CCDC148: variants seen among roughly 807,000 people sequenced by gnomAD.
The protein encoded by CCDC148 is coiled-coil domain containing 148.
CCDC148 carries 89 observed loss-of-function variants against 85.7 expected under a neutral mutation model. The ratio of observed to expected loss-of-function variants is 1.04; its 90% confidence interval spans 0.87 to 1.24. The LOEUF (loss-of-function observed/expected upper bound fraction) is 1.24, where lower values mean the gene tolerates loss of function less well. Among genes scored for constraint, CCDC148 ranks in the 50% most tolerant of loss-of-function variants. The pLI, the probability that CCDC148 is intolerant of heterozygous loss-of-function variation, is 0.00. For synonymous variants in CCDC148, 230 were observed against 213.9 expected (o/e 1.08, Z -0.66); for missense variants, 692 against 671.7 (o/e 1.03, Z -0.33).
At chr2:158,228,884 C>T (rs1687703839) in intron 10 of CCDC148, among the ~76,000 whole-genome samples, 2 of 148,800 alleles carry the variant, frequency 1.3e-5, no homozygotes, top group Admixed American at 6.7e-5. Context: ...GGGTGCAGCA[C>T]ACCAACATGG....
intron 9 of CCDC148, among the ~76,000 whole-genome samples, chr2:158,293,191 G>A (rs908773207): frequency 6.6e-6 from 1 of 152,108 alleles, no homozygotes; most frequent in African/African-American, 2.4e-5. Context: ...AATGTAATAT[G>A]GGAGATGAGC....
At chr2:158,272,380 G>A (rs1490427398) in intron 9 of CCDC148, among the ~76,000 whole-genome samples, 2 of 152,098 alleles carry the variant, frequency 1.3e-5, no homozygotes, top group African/African-American at 2.4e-5. Flanking sequence ...TCTGGTTTAT[G>A]GAAGGTGAAG....
chr2:158,408,207 A>G (rs979450906), intron 1 of CCDC148, among the ~76,000 whole-genome samples: 2 of 152,162 alleles, frequency 1.3e-5, no homozygotes, highest in African/African-American at 4.8e-5. Flanking sequence ...CTATCACCTC[A>G]CATAACCATT....
intron 11 of CCDC148, among the ~76,000 whole-genome samples, chr2:158,180,463 G>A (rs1391119182): frequency 6.6e-6 from 1 of 152,140 alleles, no homozygotes; most frequent in African/African-American, 2.4e-5. Flanking sequence ...GGGAGGGGCT[G>A]GCTAAACTTA....
intron 2 of CCDC148, among the ~76,000 whole-genome samples, chr2:158,350,372 T>G (rs1165783126): frequency 6.6e-6 from 1 of 152,192 alleles, no homozygotes; most frequent in East Asian, 1.9e-4. Context: ...TGGATGGTAT[T>G]AGAAATATAA....
At chr2:158,176,148 A>G (rs929158317) in intron 13 of CCDC148, among the ~76,000 whole-genome samples, 1 of 151,886 alleles carries the variant, frequency 6.6e-6, no homozygotes, top group Non-Finnish European at 1.5e-5. Context: ...GTTTATTAAT[A>G]TAATTTATAT....
chr2:158,419,677 G>T (rs60497432), intron 1 of CCDC148, among the ~76,000 whole-genome samples: 52,156 of 151,926 alleles, frequency 0.34, 10,187 homozygotes, highest in Middle Eastern at 0.46. Context: ...AGCCAAACAA[G>T]AAAAATACAT....
At chr2:158,342,016 A>ATTTT (rs1559083849) in intron 3 of CCDC148, among the ~76,000 whole-genome samples, 8 of 102,872 alleles carry the variant, frequency 7.8e-5, no homozygotes, top group African/African-American at 1.6e-4. Flanking sequence ...ACGTGTCATT[A>ATTTT]TTTTCTTTTC....
intron 9 of CCDC148, among the ~76,000 whole-genome samples, chr2:158,306,164 A>G (rs1691675899): frequency 6.6e-6 from 1 of 152,158 alleles, no homozygotes; most frequent in African/African-American, 2.4e-5. Flanking sequence ...GAACTGTTCT[A>G]TATCTTGATT....
At chr2:158,263,103 C>T (rs898845526) in intron 9 of CCDC148, among the ~76,000 whole-genome samples, 2 of 152,030 alleles carry the variant, frequency 1.3e-5, no homozygotes, top group African/African-American at 4.8e-5. Flanking sequence ...AAGCTAAAGT[C>T]ATGAAGGTTT....
At chr2:158,294,427 T>C (rs1010382749) in intron 9 of CCDC148, among the ~76,000 whole-genome samples, 2 of 152,132 alleles carry the variant, frequency 1.3e-5, no homozygotes, top group African/African-American at 4.8e-5. Flanking sequence ...ATTTCCAGTT[T>C]AAATGAATAA....
intron 8 of CCDC148, among the ~76,000 whole-genome samples, chr2:158,310,571 G>A (rs551592116): frequency 4.3e-4 from 66 of 151,892 alleles, no homozygotes; most frequent in African/African-American, 1.4e-3. Context: ...CAGACAGGGC[G>A]GCTGCCGGGC....
chr2:158,330,361 C>T (rs1296457015), intron 7 of CCDC148, among the ~76,000 whole-genome samples: 3 of 152,136 alleles, frequency 2.0e-5, no homozygotes, highest in Admixed American at 6.6e-5. Flanking sequence ...ATGAAGCCCA[C>T]TTGATTATGG....
intron 1 of CCDC148, among the ~76,000 whole-genome samples, chr2:158,398,796 G>C (rs949476375): frequency 1.3e-5 from 2 of 152,098 alleles, no homozygotes; most frequent in Non-Finnish European, 2.9e-5. Flanking sequence ...GAAGGAGACA[G>C]AGACACAAAA....
At chr2:158,340,493 A>G in intron 4 of CCDC148, 100 bp from the exon 5 acceptor site, 2 of 1,460,836 alleles carry the variant, frequency 1.4e-6, no homozygotes, top group Non-Finnish European at 1.9e-6. Context: ...ATTTCCTTAG[A>G]AAAAAACAAA....
intron 1 of CCDC148, among the ~76,000 whole-genome samples, chr2:158,453,125 A>C (rs946590459): frequency 2.0e-5 from 3 of 152,198 alleles, no homozygotes; most frequent in Non-Finnish European, 4.4e-5. Context: ...GGCTTTTCTT[A>C]GTGTGGGAGG....
rs186670159 is a variant in CCDC148 at position 158,426,841 on chromosome 2, T to C, written c.25+29574A>G. On this transcript the variant is annotated intron_variant, in intron 1 of 13. Coordinates refer to ENST00000283233, the MANE Select transcript of CCDC148 (RefSeq NM_138803.4). The stretch of plus-strand genomic sequence containing the variant: ...GTCCGTTTTTCCTTCTGTTTTTCTA[T>C]TACACCTTACACCTAGGATAAGTAC... Among the ~76,000 whole-genome samples the C allele has an allele frequency of 7.2e-5, 11 of 152,314 alleles. No individual in the cohort carries two copies. The East Asian group carries it at 1.9e-3, about 27-fold the overall frequency.
chr2:158,317,849 T>G (rs915480096), intron 7 of CCDC148, among the ~76,000 whole-genome samples: 1 of 152,184 alleles, frequency 6.6e-6, no homozygotes, highest in Non-Finnish European at 1.5e-5. Context: ...AAAATGGTAA[T>G]TAGTGCCTCC....
chr2:158,217,469 C>T (rs1574422049), intron 11 of CCDC148, among the ~76,000 whole-genome samples: 1 of 151,462 alleles, frequency 6.6e-6, no homozygotes, highest in African/African-American at 2.4e-5. Context: ...GTAGCACGAT[C>T]TCAGCTCACT....
Sources: gnomAD v4.1 joint callset for allele counts (sites outside exome capture counted in the v4.1 genomes callset) on GRCh38, gnomAD v4.1.1 for gene constraint, MANE v1.5 for transcripts, NCBI Gene and HGNC (gene_info 2026-07-23, HGNC 2026-07-21) for gene names.